Variants in SLC2A13 observed in about 807,000 individuals in gnomAD.
SLC2A13 encodes the protein solute carrier family 2 member 13.
In SLC2A13, 32 loss-of-function variants were observed where a neutral mutation model predicts 64.4. The ratio of observed to expected loss-of-function variants is 0.50; its 90% CI spans 0.37 to 0.67. SLC2A13 has a LOEUF of 0.67. Among genes scored for constraint, SLC2A13 ranks in the 30% least tolerant of loss-of-function variants. SLC2A13 has a pLI of 0.00. For missense variants in SLC2A13, 743 were observed against 829.2 expected, an observed-to-expected ratio of 0.90 and a Z score of 1.28; for synonymous variants, 338 against 327.1, an observed-to-expected ratio of 1.03 and a Z score of -0.36.
intron 3 of SLC2A13, among the ~76,000 whole-genome samples, chr12:40,021,598 T>C (rs929910739): frequency 2.0e-5 from 3 of 152,228 alleles, no homozygotes; most frequent in Admixed American, 6.5e-5. Context: ...CTCTAGAATA[T>C]TGGATATAGA....
chr12:39,814,322 T>C (rs993088642), intron 7 of SLC2A13, among the ~76,000 whole-genome samples: 6 of 152,206 alleles, frequency 3.9e-5, no homozygotes, highest in East Asian at 1.9e-4. Flanking sequence ...TATGTACTTA[T>C]AATTTCCTCT....
At chr12:40,040,333 C>T (rs950199613) in intron 2 of SLC2A13, among the ~76,000 whole-genome samples, 4 of 152,210 alleles carry the variant, frequency 2.6e-5, no homozygotes, top group Admixed American at 6.5e-5. Context: ...ATTCTTCCCA[C>T]CACACTGTAA....
At chr12:39,932,455 G>A (rs553668143) in intron 4 of SLC2A13, among the ~76,000 whole-genome samples, 1 of 152,292 alleles carries the variant, frequency 6.6e-6, no homozygotes, top group East Asian at 1.9e-4. Context: ...ACAAAAAAGG[G>A]AAATAGATGA....
intron 1 of SLC2A13, among the ~76,000 whole-genome samples, chr12:40,056,948 G>A (rs887495141): frequency 1.3e-5 from 2 of 151,858 alleles, no homozygotes; most frequent in Non-Finnish European, 2.9e-5. Context: ...CCATTGCACT[G>A]CAGCCTGGGT....
intron 4 of SLC2A13, among the ~76,000 whole-genome samples, chr12:39,931,756 C>G (rs1945829492): frequency 6.6e-6 from 1 of 152,066 alleles, no homozygotes; most frequent in Non-Finnish European, 1.5e-5. Flanking sequence ...GGAATGGACT[C>G]TGCAAAGCCT....
chr12:39,821,407 C>T (rs1942505916), intron 7 of SLC2A13, among the ~76,000 whole-genome samples: 1 of 150,900 alleles, frequency 6.6e-6, no homozygotes, highest in Non-Finnish European at 1.5e-5. Flanking sequence ...AAGACTCCGT[C>T]TCAAAAAAAA....
chr12:39,959,222 T>C (rs1464808090), intron 3 of SLC2A13, among the ~76,000 whole-genome samples: 2 of 152,168 alleles, frequency 1.3e-5, no homozygotes, highest in African/African-American at 2.4e-5. Context: ...CAGATGATGT[T>C]TGTGATTACA....
chr12:40,058,899 T>C (rs149687904), intron 1 of SLC2A13, among the ~76,000 whole-genome samples: 8 of 152,302 alleles, frequency 5.3e-5, no homozygotes, highest in Non-Finnish European at 1.2e-4. Context: ...TCATCTCTCT[T>C]AGGCTGGCTT....
At chr12:39,978,370 G>C (rs1260797453) in intron 3 of SLC2A13, among the ~76,000 whole-genome samples, 4 of 152,180 alleles carry the variant, frequency 2.6e-5, no homozygotes, top group African/African-American at 9.6e-5. Flanking sequence ...CAGCGTAAGC[G>C]ATGCAGAAGA....
At chr12:39,990,597 C>G (rs746100914) in intron 3 of SLC2A13, among the ~76,000 whole-genome samples, 1 of 152,124 alleles carries the variant, frequency 6.6e-6, no homozygotes, top group Non-Finnish European at 1.5e-5. Flanking sequence ...TAGTGCTGAA[C>G]AGTGCTGAAG....
intron 3 of SLC2A13, among the ~76,000 whole-genome samples, chr12:40,017,482 G>A (rs937401879): frequency 1.1e-4 from 16 of 152,238 alleles, no homozygotes; most frequent in African/African-American, 3.9e-4. Flanking sequence ...TATTGCAAGA[G>A]CCTGAATAAA....
intron 4 of SLC2A13, among the ~76,000 whole-genome samples, chr12:39,915,142 C>T (rs1229318634): frequency 6.6e-6 from 1 of 151,676 alleles, no homozygotes; most frequent in Non-Finnish European, 1.5e-5. Flanking sequence ...CATATAGCAA[C>T]CTAATAGTAA....
At chr12:40,102,228 T>TA (rs1280805617) in intron 1 of SLC2A13, among the ~76,000 whole-genome samples, 1 of 152,260 alleles carries the variant, frequency 6.6e-6, no homozygotes, top group Non-Finnish European at 1.5e-5. Context: ...GTGGGATTTT[T>TA]ATCTAATTAC....
At chr12:39,960,644 G>A (rs921562055) in intron 3 of SLC2A13, among the ~76,000 whole-genome samples, 1 of 151,450 alleles carries the variant, frequency 6.6e-6, no homozygotes, top group African/African-American at 2.4e-5. Context: ...CCTCCAAAGT[G>A]TTGGGATTAC....
intron 3 of SLC2A13, among the ~76,000 whole-genome samples, chr12:39,968,958 C>T (rs911725491): frequency 2.6e-5 from 4 of 151,964 alleles, no homozygotes; most frequent in East Asian, 1.9e-4. Flanking sequence ...CTTCCCCCAC[C>T]CCACAACAGG....
intron 6 of SLC2A13, among the ~76,000 whole-genome samples, chr12:39,857,331 A>G (rs921181345): frequency 4.6e-5 from 7 of 152,202 alleles, no homozygotes; most frequent in African/African-American, 1.7e-4. Flanking sequence ...CTCCAGATTT[A>G]CATGCCTAAA....
chr12:39,912,497 C>T (rs1252758386), intron 4 of SLC2A13, among the ~76,000 whole-genome samples: 1 of 151,978 alleles, frequency 6.6e-6, no homozygotes. Flanking sequence ...CTTGGGGAAG[C>T]AGGAAGAAGT....
At chr12:39,902,093 C>CA (rs1171727581) in intron 4 of SLC2A13, among the ~76,000 whole-genome samples, 2 of 148,752 alleles carry the variant, frequency 1.3e-5, no homozygotes, top group South Asian at 2.1e-4. Context: ...ATCGCAAGGA[C>CA]AAAAAACCAA....
At chr12:40,038,049 G>C (rs1329052931) in intron 2 of SLC2A13, among the ~76,000 whole-genome samples, 3 of 152,062 alleles carry the variant, frequency 2.0e-5, no homozygotes, top group Non-Finnish European at 4.4e-5. Flanking sequence ...GGTTTAATTT[G>C]CTCCTATTAT....
Sources: allele counts gnomAD v4.1 joint callset (sites outside exome capture counted in the v4.1 genomes callset), GRCh38; gene constraint gnomAD v4.1.1; transcripts MANE v1.5; gene names NCBI Gene and HGNC (gene_info 2026-07-23, HGNC 2026-07-21).